The following PPM1H variants were observed in gnomAD, a reference collection of about 807,000 sequenced individuals.
The protein encoded by PPM1H is protein phosphatase, Mg2+/Mn2+ dependent 1H, also known as protein phosphatase 1H.
Under a neutral mutation model 54.9 loss-of-function variants are expected in PPM1H, and 27 were observed. The observed-to-expected ratio is 0.49, with a 90% CI of 0.36 to 0.68. PPM1H has a LOEUF of 0.68. PPM1H is among the 30% of genes least tolerant of loss of function. The pLI is 0.00. For synonymous variants in PPM1H, 305 were observed against 270.8 expected, an observed-to-expected ratio of 1.13 and a Z score of -1.24; for missense variants, 596 against 667.8, an observed-to-expected ratio of 0.89 and a Z score of 1.19.
intron 4 of PPM1H, chr12:62,756,238 C>T (rs1328056043): frequency 1.3e-5 from 10 of 767,070 alleles, no homozygotes; most frequent in Non-Finnish European, 2.3e-5. Context: ...GAGTAAGACC[C>T]CTGGACTACC....
intron 2 of PPM1H, among the ~76,000 whole-genome samples, chr12:62,817,899 T>C (rs952638955): frequency 6.6e-6 from 1 of 152,166 alleles, no homozygotes; most frequent in African/African-American, 2.4e-5. Flanking sequence ...CTGATGGTCT[T>C]GGCCGAGATG....
intron 2 of PPM1H, among the ~76,000 whole-genome samples, chr12:62,815,831 C>T (rs1413643963): frequency 2.0e-5 from 3 of 152,156 alleles, no homozygotes; most frequent in Non-Finnish European, 2.9e-5. Context: ...GGTATTCATG[C>T]TTATCCAATC....
chr12:62,920,063 G>A (rs1296474029), intron 1 of PPM1H, among the ~76,000 whole-genome samples: 1 of 152,158 alleles, frequency 6.6e-6, no homozygotes, highest in Non-Finnish European at 1.5e-5. Context: ...TGGACACCTG[G>A]TTCTAACAAC....
intron 2 of PPM1H, among the ~76,000 whole-genome samples, chr12:62,827,463 G>GGGAA (rs1868303230): frequency 6.6e-6 from 1 of 152,056 alleles, no homozygotes; most frequent in South Asian, 2.1e-4. Flanking sequence ...TTGGACTCCT[G>GGGAA]GCCTTCCCAA....
Position 62,844,763 on chromosome 12 carries a change from T to C in PPM1H, c.246-12484A>G, listed in dbSNP as rs987288591. Among the ~76,000 whole-genome samples the C allele has an allele frequency of 6.6e-6, 1 of 152,222 alleles. No homozygotes were observed. The highest frequency in any genetic ancestry group is 1.5e-5 in the Non-Finnish European group (1 of 68,022). On this transcript the variant is annotated intron_variant, in intron 1 of 9. Transcript: ENST00000228705. The surrounding 1 kb of genome is among the most constrained non-coding windows in gnomAD (Gnocchi z 5.2). ...AATGTTAATTGAATGAATAAACAAA[T>C]GAACTCATTTTGCCATAACACCCCA...
chr12:62,678,356 C>T (rs1167877326), intron 8 of PPM1H, among the ~76,000 whole-genome samples: 1 of 152,126 alleles, frequency 6.6e-6, no homozygotes, highest in East Asian at 1.9e-4. Context: ...TATTATTTTT[C>T]AGGAGGGGAT....
intron 3 of PPM1H, among the ~76,000 whole-genome samples, chr12:62,793,368 T>C (rs1188263602): frequency 6.6e-6 from 1 of 151,856 alleles, no homozygotes; most frequent in African/African-American, 2.4e-5. Flanking sequence ...AAACAATGGA[T>C]CCAGTTTTTA....
chr12:62,667,064 C>T, intron 9 of PPM1H, 114 bp downstream of exon 9: 1 of 1,205,768 alleles, frequency 8.3e-7, no homozygotes, highest in Admixed American at 2.6e-5. Context: ...GGTTACTGTA[C>T]CGTCCATATC....
chr12:62,789,665 C>T (rs1371729459), intron 3 of PPM1H, among the ~76,000 whole-genome samples: 3 of 152,210 alleles, frequency 2.0e-5, no homozygotes, highest in Non-Finnish European at 2.9e-5. Context: ...GTCCTCAAGA[C>T]CATCACTATG....
At chr12:62,908,212 C>T (rs1205950278) in intron 1 of PPM1H, among the ~76,000 whole-genome samples, 2 of 151,812 alleles carry the variant, frequency 1.3e-5, no homozygotes, top group Non-Finnish European at 1.5e-5. Flanking sequence ...GCCAGGAGTT[C>T]GAGACCAGCC....
At chr12:62,689,656 A>G (rs1183750971) in intron 8 of PPM1H, 43 bp downstream of exon 8, 1 of 1,511,350 alleles carries the variant, frequency 6.6e-7, no homozygotes, top group Non-Finnish European at 9.1e-7. Flanking sequence ...AACGCCGAAA[A>G]TGTTTTATTG....
intron 6 of PPM1H, among the ~76,000 whole-genome samples, chr12:62,705,179 T>C (rs1423692194): frequency 2.6e-5 from 4 of 152,234 alleles, no homozygotes; most frequent in Non-Finnish European, 5.9e-5. Context: ...GATATTTTCT[T>C]TCTATCCTGT....
intron 2 of PPM1H, among the ~76,000 whole-genome samples, chr12:62,831,707 ATG>A (rs371871033): frequency 1.0e-3 from 118 of 116,916 alleles, no homozygotes; most frequent in Middle Eastern, 9.9e-3. Flanking sequence ...TTGTGTGTGT[ATG>A]TGTGTGTGTG....
chr12:62,890,640 A>T (rs554861348), intron 1 of PPM1H, among the ~76,000 whole-genome samples: 26 of 152,088 alleles, frequency 1.7e-4, no homozygotes, highest in African/African-American at 5.8e-4. Context: ...CGTTATTTTG[A>T]AATCTTTCAA....
At chr12:62,800,970 C>G (rs2076764811) in intron 3 of PPM1H, among the ~76,000 whole-genome samples, 1 of 152,210 alleles carries the variant, frequency 6.6e-6, no homozygotes, top group African/African-American at 2.4e-5. Context: ...CAGATGGAAA[C>G]GAACAGACAA....
intron 8 of PPM1H, among the ~76,000 whole-genome samples, chr12:62,668,738 A>G (rs2075935959): frequency 6.6e-6 from 1 of 152,232 alleles, no homozygotes; most frequent in African/African-American, 2.4e-5. Context: ...CACATGTCCT[A>G]TGGCACAGCC....
intron 1 of PPM1H, among the ~76,000 whole-genome samples, chr12:62,897,106 G>T (rs996083704): frequency 9.3e-5 from 12 of 129,530 alleles, no homozygotes; most frequent in South Asian, 3.2e-4. Context: ...GTTGCGGGGT[G>T]GGGGGAGGGG....
intron 6 of PPM1H, among the ~76,000 whole-genome samples, chr12:62,717,748 C>G (rs961977065): frequency 6.6e-6 from 1 of 152,192 alleles, no homozygotes; most frequent in African/African-American, 2.4e-5. Flanking sequence ...AACCTCATCA[C>G]ACATTCTACT....
intron 8 of PPM1H, among the ~76,000 whole-genome samples, chr12:62,679,307 T>C (rs2076005706): frequency 6.6e-6 from 1 of 152,170 alleles, no homozygotes; most frequent in South Asian, 2.1e-4. Context: ...TTAATGTGAT[T>C]TCATCCCCAA....
Sources: gnomAD v4.1 joint callset for allele counts (sites outside exome capture counted in the v4.1 genomes callset) on GRCh38, gnomAD v4.1.1 for gene constraint, Gnocchi (gnomAD v3.1) non-coding constraint, MANE v1.5 for transcripts, NCBI Gene and HGNC (gene_info 2026-07-23, HGNC 2026-07-21) for gene names.